Variants in MYO3B observed in about 807,000 individuals in gnomAD.
MYO3B encodes myosin-IIIb.
Under a neutral mutation model 174.6 loss-of-function variants are expected in MYO3B, and 156 were observed. The observed-to-expected ratio is 0.89, with a 90% CI of 0.78 to 1.02. The LOEUF is 1.02. Ranked by LOEUF, MYO3B falls within the 50% of genes least tolerant of loss-of-function variation. The probability of loss-of-function intolerance (pLI) is 0.00; values close to 1 mark genes in which losing one functional copy is unlikely to be tolerated. For missense variants in MYO3B, 1,632 were observed against 1,639.4 expected (o/e 1.00, Z 0.08); for synonymous variants, 563 against 569.1 (o/e 0.99, Z 0.15).
At chr2:170,570,804 G>A (rs1328190137) in intron 32 of MYO3B, among the ~76,000 whole-genome samples, 2 of 151,820 alleles carry the variant, frequency 1.3e-5, no homozygotes, top group African/African-American at 2.4e-5. Flanking sequence ...AAATTTCCAG[G>A]CAGTTCTCAA....
intron 7 of MYO3B, among the ~76,000 whole-genome samples, chr2:170,289,025 T>C (rs982676363): frequency 2.0e-5 from 3 of 152,170 alleles, no homozygotes; most frequent in Non-Finnish European, 4.4e-5. Flanking sequence ...AATTTGACTA[T>C]GTTGAACCAT....
chr2:170,450,613 A>G (rs1192600471), intron 23 of MYO3B, among the ~76,000 whole-genome samples: 1 of 151,704 alleles, frequency 6.6e-6, no homozygotes, highest in Non-Finnish European at 1.5e-5. Context: ...ATTTGTTTTC[A>G]TTGTCTCTAA....
chr2:170,301,130 G>A (rs2093662713), intron 7 of MYO3B, among the ~76,000 whole-genome samples: 2 of 152,182 alleles, frequency 1.3e-5, no homozygotes, highest in African/African-American at 2.4e-5. Flanking sequence ...TTCTTTGAAT[G>A]TTACACCATT....
intron 25 of MYO3B, among the ~76,000 whole-genome samples, chr2:170,482,870 T>C (rs1276497469): frequency 1.3e-5 from 2 of 152,236 alleles, no homozygotes; most frequent in Non-Finnish European, 2.9e-5. Context: ...TGACCACCTC[T>C]ACTTATTCTT....
chr2:170,286,245 C>G (rs1277392654), intron 7 of MYO3B, among the ~76,000 whole-genome samples: 1 of 152,174 alleles, frequency 6.6e-6, no homozygotes, highest in Non-Finnish European at 1.5e-5. Context: ...CTCCGTTGCT[C>G]TGTTTTATCT....
intron 20 of MYO3B, among the ~76,000 whole-genome samples, chr2:170,404,890 G>A (rs2094500702): frequency 6.6e-6 from 1 of 152,144 alleles, no homozygotes; most frequent in Non-Finnish European, 1.5e-5. Flanking sequence ...TTATCTACAG[G>A]ATGAATATAG....
At chr2:170,331,120 G>T (rs1374205439) in intron 7 of MYO3B, among the ~76,000 whole-genome samples, 2 of 152,170 alleles carry the variant, frequency 1.3e-5, no homozygotes. Flanking sequence ...GAAAGAATAG[G>T]ACCTGTTTTG....
chr2:170,652,005 G>C, intron 33 of MYO3B, 103 bp from the exon 34 acceptor site: 1 of 1,252,528 alleles, frequency 8.0e-7, no homozygotes, highest in African/African-American at 1.5e-5. Flanking sequence ...TGTGACTTCT[G>C]ATATTATCAG....
chr2:170,366,755 A>T (rs1417342144), intron 8 of MYO3B, among the ~76,000 whole-genome samples: 2 of 151,816 alleles, frequency 1.3e-5, no homozygotes, highest in Non-Finnish European at 2.9e-5. Flanking sequence ...CTAGAGAGGG[A>T]CCCTCTCTAA....
chr2:170,608,197 G>A (rs1694929981), intron 32 of MYO3B, among the ~76,000 whole-genome samples: 1 of 152,204 alleles, frequency 6.6e-6, no homozygotes, highest in Admixed American at 6.5e-5. Context: ...GACAGCATGA[G>A]ACTCCGTCTC....
intron 9 of MYO3B, among the ~76,000 whole-genome samples, chr2:170,370,427 T>C (rs565252660): frequency 1.3e-5 from 2 of 152,300 alleles, no homozygotes; most frequent in East Asian, 3.9e-4. Flanking sequence ...GGGGATTTTT[T>C]TTCCTACTTG....
chr2:170,401,997 G>C (rs904923471), intron 18 of MYO3B, among the ~76,000 whole-genome samples: 1 of 152,080 alleles, frequency 6.6e-6, no homozygotes, highest in African/African-American at 2.4e-5. Flanking sequence ...AGAAGACACA[G>C]TGAGATCCAG....
chr2:170,569,720 G>A (rs1692311698), intron 32 of MYO3B, among the ~76,000 whole-genome samples: 1 of 151,804 alleles, frequency 6.6e-6, no homozygotes. Context: ...AAATTAGCCA[G>A]CCATGGTGGC....
intron 1 of MYO3B, among the ~76,000 whole-genome samples, chr2:170,186,807 T>C (rs1396347150): frequency 6.6e-6 from 1 of 152,174 alleles, no homozygotes; most frequent in East Asian, 1.9e-4. Flanking sequence ...TATTTGTTAC[T>C]GGTCTATTTA....
At chr2:170,237,892 A>C (rs1322050042) in intron 7 of MYO3B, among the ~76,000 whole-genome samples, 1 of 152,216 alleles carries the variant, frequency 6.6e-6, no homozygotes, top group African/African-American at 2.4e-5. Context: ...GTCAGCAATA[A>C]TCAGTCAGCA....
intron 22 of MYO3B, among the ~76,000 whole-genome samples, chr2:170,415,297 CA>C (rs2094570939): frequency 6.6e-6 from 1 of 152,200 alleles, no homozygotes. Context: ...AACTTCTCTT[CA>C]TTCAGATCTT....
At chr2:170,546,159 C>G (rs921478738) in intron 32 of MYO3B, among the ~76,000 whole-genome samples, 2 of 152,166 alleles carry the variant, frequency 1.3e-5, no homozygotes, top group African/African-American at 4.8e-5. Flanking sequence ...AAAATCCTCT[C>G]CATTCTTCAA....
At chr2:170,548,601 C>T (rs913771588) in intron 32 of MYO3B, among the ~76,000 whole-genome samples, 11 of 152,176 alleles carry the variant, frequency 7.2e-5, no homozygotes, top group Non-Finnish European at 1.3e-4. Context: ...ACCAACTAGA[C>T]ATCATCAAGA....
chr2:170,394,028 G>A (rs1329039109), intron 16 of MYO3B, among the ~76,000 whole-genome samples: 4 of 152,112 alleles, frequency 2.6e-5, no homozygotes, highest in African/African-American at 7.2e-5. Context: ...GCCAAAGTAC[G>A]CAGGGGCACA....
Sources: gnomAD v4.1 joint callset for allele counts (sites outside exome capture counted in the v4.1 genomes callset) on GRCh38, gnomAD v4.1.1 for gene constraint, MANE v1.5 for transcripts, NCBI Gene and HGNC (gene_info 2026-07-23, HGNC 2026-07-21) for gene names.